The following HUWE1 variants were observed in gnomAD, a reference collection of about 807,000 sequenced individuals.
HUWE1 encodes the protein E3 ubiquitin-protein ligase HUWE1.
In HUWE1, 18 loss-of-function variants were observed where a neutral mutation model predicts 299.4. That is an observed-to-expected ratio of 0.06 (90% CI 0.04 to 0.09). The LOEUF (loss-of-function observed/expected upper bound fraction) is 0.09, where lower values mean the gene tolerates loss of function less well. Among genes scored for constraint, HUWE1 ranks in the 10% least tolerant of loss-of-function variants. HUWE1 has a pLI of 1.00. For missense variants in HUWE1, 1,832 were observed against 3,462.3 expected, an observed-to-expected ratio of 0.53 and a Z score of 11.82; for synonymous variants, 1,317 against 1,286.1, an observed-to-expected ratio of 1.02 and a Z score of -0.51.
At chrX:53,651,165 A>G (rs2068435925) in intron 4 of HUWE1, among the ~76,000 whole-genome samples, 1 of 108,797 alleles carries the variant, frequency 9.2e-6, no homozygotes, top group African/African-American at 3.4e-5. Flanking sequence ...GAGCTTATTA[A>G]GGGGTAAATG....
chrX:53,620,676 T>A lies in HUWE1; in HGVS notation c.1673-3230A>T, dbSNP rs138423196. Among the ~76,000 whole-genome samples, 80 of 112,263 alleles carry A rather than the reference T, an allele frequency of 7.1e-4. No homozygotes were observed. The East Asian group carries it at 0.022, about 30-fold the overall frequency. On this transcript the variant is annotated intron_variant, in intron 19 of 83. Coordinates refer to ENST00000262854, the MANE Select transcript of HUWE1 (RefSeq NM_031407.7). ...TCTTTTGCCGATTGCCTTAGTTGTA[T>A]GACATCTGAAAAAACACAATTAGTG...
intron 59 of HUWE1, 149 bp downstream of exon 59, chrX:53,558,506 C>T (rs1230750757): frequency 1.8e-6 from 1 of 554,435 alleles, no homozygotes; most frequent in Non-Finnish European, 3.0e-6. Flanking sequence ...AAAACCAGGT[C>T]AATGTATGGT....
At chrX:53,558,614 G>A in intron 59 of HUWE1, 41 bp downstream of exon 59, 1 of 1,171,354 alleles carries the variant, frequency 8.5e-7, no homozygotes. Context: ...CATTACGGCA[G>A]ACACAGTCAA....
intron 7 of HUWE1, among the ~76,000 whole-genome samples, chrX:53,641,487 G>A (rs2067587461): frequency 9.0e-6 from 1 of 111,423 alleles, no homozygotes; most frequent in African/African-American, 3.3e-5. Context: ...CATCTAAAAG[G>A]CAAGATGCTA....
Position 53,569,777 on chromosome X carries a change from C to T in HUWE1, c.6363G>A (p.Gln2121=). ...FVLDHLLPHT[Q]NAEDKDTPAL... is the part of the protein sequence containing the mutation. ...CAGGGGTGTCCTTGTCTTCTGCATT[C>T]TGGGTATGTGGGAGCAGGTGGTCCA... The change falls in exon 48 of 84, where the codon CAG becomes CAA. Residue 2121 remains glutamine (Q), a synonymous_variant. Transcript: ENST00000262854. 2.5e-6 allele frequency: 3 copies of T among 1,212,272 alleles called. No homozygotes were observed. Among genetic ancestry groups the T allele is most frequent in the Non-Finnish European group, 3.3e-6 (3 of 895,611 alleles).
chrX:53,612,701 C>G (rs2065557757), intron 23 of HUWE1, among the ~76,000 whole-genome samples: 1 of 111,695 alleles, frequency 9.0e-6, no homozygotes, highest in African/African-American at 3.3e-5. Context: ...AAAAAACCAA[C>G]CAACCAACCA....
intron 39 of HUWE1, among the ~76,000 whole-genome samples, chrX:53,585,809 C>T (rs782153909): frequency 8.1e-5 from 9 of 111,616 alleles, no homozygotes; most frequent in African/African-American, 2.6e-4. Flanking sequence ...ACCTCAGCCA[C>T]CTGAGTAGCT....
intron 29 of HUWE1, among the ~76,000 whole-genome samples, chrX:53,597,783 G>A (rs1263290178): frequency 1.1e-5 from 1 of 93,643 alleles, no homozygotes; most frequent in African/African-American, 4.0e-5. Context: ...GGGCTTTAAG[G>A]CTATTACACA....
chrX:53,594,418 T>G, intron 31 of HUWE1, 81 bp downstream of exon 31: 4 of 1,043,185 alleles, frequency 3.8e-6, no homozygotes, highest in Admixed American at 2.4e-5. Flanking sequence ...GATAGGGTAC[T>G]TAAAAGCAGT....
At chrX:53,626,528 T>C (rs1239150027) in intron 17 of HUWE1, among the ~76,000 whole-genome samples, 1 of 111,658 alleles carries the variant, frequency 9.0e-6, no homozygotes, top group Non-Finnish European at 1.9e-5. Context: ...TCTAAAATAC[T>C]ACATACATAC....
At position 53,546,838 on chromosome X, in the gene HUWE1, A is replaced by G; in HGVS notation, c.10637-13T>C. On this transcript the variant is annotated splice_polypyrimidine_tract_variant and intron_variant, in intron 68 of 83. Coordinates refer to ENST00000262854, the MANE Select transcript of HUWE1 (RefSeq NM_031407.7). Reference sequence around the variant, plus strand: ...GTAGTGGGAGAAACTTTGAGGAAACAGACAGAACACTGTAAGCCTCTCTGA... The same window carrying G: ...GTAGTGGGAGAAACTTTGAGGAAACGGACAGAACACTGTAAGCCTCTCTGA... The G allele has an allele frequency of 8.3e-7, 1 of 1,201,349 alleles. No homozygotes were observed. The highest frequency in any genetic ancestry group is 1.1e-6 in the Non-Finnish European group (1 of 890,234).
intron 3 of HUWE1, among the ~76,000 whole-genome samples, chrX:53,671,653 C>T (rs782546953): frequency 1.8e-5 from 2 of 109,983 alleles, no homozygotes; most frequent in East Asian, 2.8e-4. Context: ...ATTAGCCGGG[C>T]GAGGTGGCAG....
chrX:53,600,977 CCT>C (rs1165882338), intron 28 of HUWE1, among the ~76,000 whole-genome samples: 5 of 111,450 alleles, frequency 4.5e-5, no homozygotes, highest in Non-Finnish European at 9.4e-5. Flanking sequence ...TTATTCTTTC[CCT>C]GAGTTAAATT....
chrX:53,536,819 G>C, intron 78 of HUWE1, 152 bp from the exon 79 acceptor site: 4 of 514,197 alleles, frequency 7.8e-6, no homozygotes, highest in Non-Finnish European at 1.3e-5. Context: ...CCCAGAAATG[G>C]GGTGGAGATC....
chrX:53,670,090 G>A (rs1186413262), intron 3 of HUWE1, among the ~76,000 whole-genome samples: 2 of 111,624 alleles, frequency 1.8e-5, no homozygotes, highest in African/African-American at 3.3e-5. Context: ...GAAAACACAT[G>A]GCCAAATCGA....
rs1557018659 is a variant in HUWE1, at chrX:53,627,311, TA to T, written c.1489+98del. 3 of 549,963 alleles carry T rather than the reference TA, an allele frequency of 5.5e-6. No homozygotes were observed. The Admixed American group carries it at 8.3e-5, about 15-fold the overall frequency. 45.3% of individuals were successfully genotyped at this position (549,963 alleles called of 1,213,427 possible). A position where few individuals can be genotyped will look rare whatever the true frequency, so the allele number is the denominator to read the frequency against. On this transcript the variant is annotated intron_variant, in intron 17 of 83. Transcript: ENST00000262854. ...TGTTGCTGAAAGTATATACTCAAGT[TA>T]ATTGTGTACTTTGGAATTTATGAGG... is the stretch of plus-strand genomic sequence containing the variant.
chrX:53,606,788 C>G (rs1282437562), intron 25 of HUWE1, among the ~76,000 whole-genome samples: 2 of 110,984 alleles, frequency 1.8e-5, no homozygotes, highest in Non-Finnish European at 3.8e-5. Context: ...AATTTAGAGA[C>G]AAAAAATAGA....
intron 3 of HUWE1, among the ~76,000 whole-genome samples, chrX:53,662,782 T>A (rs1179879927): frequency 9.0e-6 from 1 of 111,688 alleles, no homozygotes; most frequent in African/African-American, 3.3e-5. Context: ...CGCAACTGAG[T>A]TATTTGCTCT....
At position 53,631,002 on chromosome X, in the gene HUWE1, A is replaced by G. The variant is rs782644703; in HGVS notation, c.795T>C (p.His265=). The change falls in exon 12 of 84, where the codon CAT becomes CAC. Residue 265 remains histidine (H), a synonymous_variant. Transcript: ENST00000262854. ...MLLFTHIRLA[H]GFSNHRKRLQ... The stretch of plus-strand genomic sequence containing the variant: ...ATCGCTTCCTGTGATTAGAAAAGCC[A>G]TGGGCCAGTCGTATGTGTGTAAATA... 10 of 1,192,432 alleles carry G rather than the reference A, an allele frequency of 8.4e-6. No homozygotes were observed. The Admixed American group carries it at 2.0e-4, about 23-fold the overall frequency.
Sources: gnomAD v4.1 joint callset for allele counts (sites outside exome capture counted in the v4.1 genomes callset) on GRCh38, gnomAD v4.1.1 for gene constraint, MANE v1.5 for transcripts, NCBI Gene and HGNC (gene_info 2026-07-23, HGNC 2026-07-21) for gene names.